The following SMIM14 variants were observed in gnomAD, a reference collection of about 807,000 sequenced individuals.
The protein encoded by SMIM14 is chromosome 4 open reading frame 34.
A neutral mutation model predicts 12.6 loss-of-function variants in SMIM14; 5 were observed. The observed-to-expected ratio is 0.40, with a 90% CI of 0.21 to 0.83. The LOEUF (loss-of-function observed/expected upper bound fraction) is 0.83, where lower values mean the gene tolerates loss of function less well. SMIM14 is among the 40% of genes least tolerant of loss of function. The pLI is 0.37. For missense variants in SMIM14, 86 were observed against 119.1 expected (o/e 0.72, Z 1.29); for synonymous variants, 30 against 40.1 (o/e 0.75, Z 0.95).
At chr4:39,595,797 A>T (rs1358545227) in intron 2 of SMIM14, among the ~76,000 whole-genome samples, 2 of 151,644 alleles carry the variant, frequency 1.3e-5, no homozygotes, top group Admixed American at 1.3e-4. Context: ...TTCGGTAGAG[A>T]AGGGGTTTTA....
intron 2 of SMIM14, among the ~76,000 whole-genome samples, chr4:39,581,003 T>C (rs1462370912): frequency 1.3e-5 from 2 of 152,184 alleles, no homozygotes; most frequent in African/African-American, 4.8e-5. Context: ...TGCAATATTA[T>C]AGCTAATATC....
chr4:39,569,739 A>C (rs1031396550), intron 3 of SMIM14, among the ~76,000 whole-genome samples: 1 of 151,872 alleles, frequency 6.6e-6, no homozygotes, highest in African/African-American at 2.4e-5. Context: ...TCTGTCTCAA[A>C]AAAAAAAGAA....
At chr4:39,579,520 G>C (rs1415710666) in intron 2 of SMIM14, among the ~76,000 whole-genome samples, 2 of 151,840 alleles carry the variant, frequency 1.3e-5, no homozygotes, top group South Asian at 2.1e-4. Flanking sequence ...ATCTAAAATA[G>C]TCCAATAGGA....
intron 1 of SMIM14, among the ~76,000 whole-genome samples, chr4:39,626,935 T>C (rs1183448206): frequency 1.3e-5 from 2 of 152,212 alleles, no homozygotes; most frequent in Non-Finnish European, 2.9e-5. Context: ...CTCAGGTGCC[T>C]TAGTCTATTG....
rs556369889 is a variant in SMIM14, at chr4:39,623,954, T to TA, written c.-36+14784dup. Among the ~76,000 whole-genome samples the TA allele has an allele frequency of 4.7e-3, 712 of 152,236 alleles. 5 individuals carry two copies. The highest frequency in any genetic ancestry group is 0.01 in the Middle Eastern group (3 of 294). ...TTATTCATAACTGTTGTCTGGTCAG[T>TA]AAAAAAGAAAGTTTAAAAAAATAGA... is the stretch of plus-strand genomic sequence containing the variant. On this transcript the variant is annotated intron_variant, in intron 1 of 4. Coordinates refer to ENST00000295958, the MANE Select transcript of SMIM14 (RefSeq NM_174921.3).
At chr4:39,576,138 A>G (rs1424350666) in intron 2 of SMIM14, among the ~76,000 whole-genome samples, 1 of 149,404 alleles carries the variant, frequency 6.7e-6, no homozygotes, top group Non-Finnish European at 1.5e-5. Flanking sequence ...CAAGTGATCC[A>G]CTTGCTTCGG....
At chr4:39,611,190 T>C (rs1280918962) in intron 1 of SMIM14, among the ~76,000 whole-genome samples, 1 of 152,200 alleles carries the variant, frequency 6.6e-6, no homozygotes, top group Non-Finnish European at 1.5e-5. Context: ...AACAATCTTA[T>C]ACCTATCAGG....
chr4:39,618,842 C>G (rs185254923), intron 1 of SMIM14, among the ~76,000 whole-genome samples: 1 of 152,006 alleles, frequency 6.6e-6, no homozygotes, highest in East Asian at 1.9e-4. Flanking sequence ...GCATGTTGGA[C>G]CTTGCAGGGG....
chr4:39,594,085 G>T (rs1360791582), intron 2 of SMIM14: 1 of 152,148 alleles, frequency 6.6e-6, no homozygotes, highest in African/African-American at 2.4e-5. Context: ...AAAAGAGCCC[G>T]CATTGCCAAG....
In SMIM14 at chr4:39,551,144, C is replaced by A. The variant is rs1173378030; in HGVS notation, c.*982G>T. 6.6e-6 allele frequency: 1 copy of A among 152,126 alleles called. No homozygotes were observed. 9.4% of individuals were successfully genotyped at this position (152,126 alleles called of 1,614,324 possible). On this transcript the variant is annotated 3_prime_UTR_variant, in exon 5 of 5. Coordinates refer to ENST00000295958, the MANE Select transcript of SMIM14 (RefSeq NM_174921.3). The stretch of plus-strand genomic sequence containing the variant: ...CAGGCTGGTCTCGAACTCCTGACCT[C>A]AAGTGATCCACCCACCTCAGCCTCC...
chr4:39,611,791 C>T (rs766233252), intron 1 of SMIM14, among the ~76,000 whole-genome samples: 3 of 152,100 alleles, frequency 2.0e-5, no homozygotes, highest in Admixed American at 1.3e-4. Context: ...AAGTATTTAT[C>T]AGTGTTGTTC....
intron 1 of SMIM14, among the ~76,000 whole-genome samples, chr4:39,627,651 A>G (rs545407552): frequency 1.3e-5 from 2 of 152,324 alleles, no homozygotes; most frequent in Non-Finnish European, 2.9e-5. Context: ...AGTTCTCTGT[A>G]TAGTGCTCTG....
intron 3 of SMIM14, among the ~76,000 whole-genome samples, chr4:39,557,378 C>T (rs529816485): frequency 6.2e-4 from 94 of 152,192 alleles, no homozygotes; most frequent in Non-Finnish European, 1.1e-3. Context: ...CTGGACTAGT[C>T]TCTAACACAT....
intron 1 of SMIM14, among the ~76,000 whole-genome samples, chr4:39,617,365 T>C (rs1715264559): frequency 6.6e-6 from 1 of 152,218 alleles, no homozygotes; most frequent in African/African-American, 2.4e-5. Context: ...AATTACACCA[T>C]TTGAATATTT....
rs1335269005 is a variant in SMIM14 at position 39,605,101 on chromosome 4, A to G, written c.45T>C (p.His15=). The change falls in exon 2 of 5, where the codon CAT becomes CAC. Residue 15 remains histidine (H), a synonymous_variant. Coordinates refer to ENST00000295958, the MANE Select transcript of SMIM14 (RefSeq NM_174921.3). ...GFDPCECVCS[H]EHAMRRLINL... is the part of the protein sequence containing the mutation. ...TGATCAGTCTTCTCATTGCATGTTC[A>G]TGAGAGCAAACACATTCACAGGGAT... The G allele has an allele frequency of 1.2e-6, 2 of 1,610,178 alleles. No individual in the cohort carries two copies. The highest frequency in any genetic ancestry group is 2.7e-5 in the African/African-American group (2 of 74,790).
At chr4:39,623,321 A>T (rs972536103) in intron 1 of SMIM14, among the ~76,000 whole-genome samples, 2 of 152,156 alleles carry the variant, frequency 1.3e-5, no homozygotes, top group Non-Finnish European at 2.9e-5. Context: ...TCAAATTATT[A>T]ATACATAAAA....
intron 3 of SMIM14, among the ~76,000 whole-genome samples, chr4:39,564,469 A>G (rs1712473005): frequency 6.6e-6 from 1 of 152,196 alleles, no homozygotes; most frequent in Non-Finnish European, 1.5e-5. Context: ...TCACATTTTC[A>G]GGTTAGGGAT....
rs1430409120 is a variant in SMIM14, at chr4:39,608,948, TAA to T, written c.-35-3770_-35-3769del. ...TAATCACACAACTCTGTGAATATAC[TAA>T]AAGACACTGTAATGTACATTTTATT... is the stretch of plus-strand genomic sequence containing the variant. On this transcript the variant is annotated intron_variant, in intron 1 of 4. Coordinates refer to ENST00000295958, the MANE Select transcript of SMIM14 (RefSeq NM_174921.3). 2.0e-5 allele frequency among the ~76,000 whole-genome samples: 3 copies of T among 152,280 alleles called. No individual in the cohort carries two copies. In the East Asian group the frequency reaches 5.8e-4, roughly 29 times the overall value.
At chr4:39,608,692 TA>T (rs1422491068) in intron 1 of SMIM14, among the ~76,000 whole-genome samples, 1 of 152,210 alleles carries the variant, frequency 6.6e-6, no homozygotes, top group Non-Finnish European at 1.5e-5. Context: ...TCTGTGGTAA[TA>T]AAAAAGTTTT....
Sources: allele counts gnomAD v4.1 joint callset (sites outside exome capture counted in the v4.1 genomes callset), GRCh38; gene constraint gnomAD v4.1.1; transcripts MANE v1.5; gene names NCBI Gene and HGNC (gene_info 2026-07-23, HGNC 2026-07-21).